NAV3: variants seen among roughly 807,000 people sequenced by gnomAD.
NAV3 encodes the protein pore membrane and/or filament interacting like protein 1.
A neutral mutation model predicts 244.7 loss-of-function variants in NAV3; 87 were observed. That is an observed-to-expected ratio of 0.36 (90% CI 0.30 to 0.42). The LOEUF (loss-of-function observed/expected upper bound fraction) is 0.42, where lower values mean the gene tolerates loss of function less well. Among genes scored for constraint, NAV3 ranks in the 20% least tolerant of loss-of-function variants. The pLI, the probability that NAV3 is intolerant of heterozygous loss-of-function variation, is 1.00. For synonymous variants in NAV3, 1,126 were observed against 1,042.2 expected (o/e 1.08, Z -1.55); for missense variants, 2,663 against 2,893.3 (o/e 0.92, Z 1.83).
chr12:77,932,861 G>A (rs1001794706), intron 1 of NAV3, among the ~76,000 whole-genome samples: 1 of 151,890 alleles, frequency 6.6e-6, no homozygotes, highest in African/African-American at 2.4e-5. Flanking sequence ...CCATGTTCTG[G>A]CCAAATAGAA....
chr12:78,027,688 G>T (rs146021682), intron 9 of NAV3, among the ~76,000 whole-genome samples: 1 of 152,250 alleles, frequency 6.6e-6, no homozygotes, highest in East Asian at 1.9e-4. Context: ...CCCTTTAGCT[G>T]CTATGTATCT....
intron 1 of NAV3, among the ~76,000 whole-genome samples, chr12:77,929,499 T>G (rs1888562690): frequency 6.6e-6 from 1 of 152,158 alleles, no homozygotes; most frequent in Non-Finnish European, 1.5e-5. Context: ...TTGAGTCAAA[T>G]CTGTTTCACT....
intron 12 of NAV3, among the ~76,000 whole-genome samples, chr12:78,091,227 A>G (rs1205622621): frequency 6.6e-6 from 1 of 152,140 alleles, no homozygotes; most frequent in Non-Finnish European, 1.5e-5. Context: ...GGGATTGAAA[A>G]GCTCAGTCGA....
At chr12:78,025,958 C>G (rs1877981566) in intron 9 of NAV3, among the ~76,000 whole-genome samples, 1 of 152,158 alleles carries the variant, frequency 6.6e-6, no homozygotes, top group South Asian at 2.1e-4. Flanking sequence ...ATAAATCACC[C>G]AGATAATCCT....
At chr12:77,859,368 C>T (rs1878862181) in intron 1 of NAV3, among the ~76,000 whole-genome samples, 1 of 152,002 alleles carries the variant, frequency 6.6e-6, no homozygotes, top group Non-Finnish European at 1.5e-5. Context: ...ATAACTCCTA[C>T]TTTAAAATTA....
At chr12:77,756,817 A>C (rs1268235309) in intron 2 of NAV3, among the ~76,000 whole-genome samples, 1 of 152,126 alleles carries the variant, frequency 6.6e-6, no homozygotes, top group Non-Finnish European at 1.5e-5. Context: ...TGGGTTATTT[A>C]TTGAACTATT....
intron 12 of NAV3, among the ~76,000 whole-genome samples, chr12:78,089,176 C>G (rs1048199865): frequency 3.3e-5 from 5 of 151,400 alleles, no homozygotes; most frequent in African/African-American, 9.7e-5. Flanking sequence ...CCCCTTTTCC[C>G]AAAAAAAAGT....
chr12:77,686,734 G>A (rs1211089154), intron 2 of NAV3, among the ~76,000 whole-genome samples: 2 of 152,032 alleles, frequency 1.3e-5, no homozygotes, highest in Non-Finnish European at 2.9e-5. Context: ...GTGAAGCCAC[G>A]AGTTTACCTA....
chr12:77,863,724 GA>G (rs34525024), intron 1 of NAV3, among the ~76,000 whole-genome samples: 39 of 148,114 alleles, frequency 2.6e-4, no homozygotes, highest in African/African-American at 6.9e-4. Flanking sequence ...TTCTTACAAT[GA>G]AAAAAAAAAT....
At chr12:78,032,952 T>C (rs1879248637) in intron 9 of NAV3, among the ~76,000 whole-genome samples, 1 of 152,204 alleles carries the variant, frequency 6.6e-6, no homozygotes. Flanking sequence ...ATGTAACACA[T>C]TTGTTTAATT....
intron 2 of NAV3, among the ~76,000 whole-genome samples, chr12:77,577,197 T>A (rs1869128643): frequency 6.6e-6 from 1 of 152,190 alleles, no homozygotes; most frequent in South Asian, 2.1e-4. Flanking sequence ...AATTTCTACC[T>A]CTGCTTCATA....
At chr12:77,809,575 T>C (rs182628885) in intron 2 of NAV3, among the ~76,000 whole-genome samples, 19 of 152,330 alleles carry the variant, frequency 1.2e-4, no homozygotes, top group African/African-American at 3.8e-4. Context: ...GCCTTCTGCA[T>C]TGATCTCGCT....
intron 1 of NAV3, among the ~76,000 whole-genome samples, chr12:77,843,868 A>G (rs71462115): frequency 6.6e-6 from 1 of 152,222 alleles, no homozygotes. Context: ...TTAAAAACAT[A>G]CAAAATATAT....
chr12:77,663,581 G>A (rs755422929), intron 2 of NAV3, among the ~76,000 whole-genome samples: 2 of 149,672 alleles, frequency 1.3e-5, no homozygotes, highest in Non-Finnish European at 2.9e-5. Context: ...GAGCGCAATG[G>A]CGCGATCTCG....
At chr12:77,737,977 C>T (rs1180362213) in intron 2 of NAV3, among the ~76,000 whole-genome samples, 2 of 152,102 alleles carry the variant, frequency 1.3e-5, no homozygotes, top group Non-Finnish European at 2.9e-5. Flanking sequence ...CTTTTCCTCC[C>T]TTGACATCCC....
intron 39 of NAV3, among the ~76,000 whole-genome samples, chr12:78,206,854 C>CTT (rs10594185): frequency 0.28 from 32,181 of 113,330 alleles, 5,603 homozygotes; most frequent in Non-Finnish European, 0.38. Context: ...TTCTTTCTTA[C>CTT]TTTTTTTTTT....
chr12:77,956,482 A>T (rs1263928103), intron 3 of NAV3, among the ~76,000 whole-genome samples: 2 of 152,154 alleles, frequency 1.3e-5, no homozygotes, highest in Non-Finnish European at 2.9e-5. Context: ...TCTTTGAGGT[A>T]TTATACCTGC....
intron 2 of NAV3, among the ~76,000 whole-genome samples, chr12:77,640,609 TAA>T (rs1486969310): frequency 6.6e-6 from 1 of 152,118 alleles, no homozygotes; most frequent in Non-Finnish European, 1.5e-5. Flanking sequence ...ATAAAAGAAA[TAA>T]GTCTAGAATC....
intron 12 of NAV3, among the ~76,000 whole-genome samples, chr12:78,060,771 A>G (rs1174271523): frequency 2.0e-5 from 3 of 152,216 alleles, no homozygotes; most frequent in African/African-American, 7.2e-5. Flanking sequence ...AGAATCCCAA[A>G]GTGTGGGCCA....
Sources: gnomAD v4.1 joint callset for allele counts (sites outside exome capture counted in the v4.1 genomes callset) on GRCh38, gnomAD v4.1.1 for gene constraint, MANE v1.5 for transcripts, NCBI Gene and HGNC (gene_info 2026-07-23, HGNC 2026-07-21) for gene names.